ANO6: variants seen among roughly 807,000 people sequenced by gnomAD.
ANO6 encodes the protein anoctamin-6.
In ANO6, 106 loss-of-function variants were observed where a neutral mutation model predicts 117.5. That is an observed-to-expected ratio of 0.90 (90% CI 0.77 to 1.06). The LOEUF (loss-of-function observed/expected upper bound fraction) is 1.06. Among genes scored for constraint, ANO6 ranks in the 50% least tolerant of loss-of-function variants. ANO6 has a pLI of 0.00. For missense variants in ANO6, 955 were observed against 1,121.1 expected (o/e 0.85, Z 2.12); for synonymous variants, 367 against 385.1 (o/e 0.95, Z 0.55).
intron 1 of ANO6, among the ~76,000 whole-genome samples, chr12:45,237,842 C>T (rs927293577): frequency 3.1e-4 from 47 of 152,218 alleles, no homozygotes; most frequent in African/African-American, 8.2e-4. Context: ...AATATTGATT[C>T]TTCCTACCCA....
intron 3 of ANO6, among the ~76,000 whole-genome samples, chr12:45,340,637 T>C (rs758089799): frequency 6.6e-6 from 1 of 152,162 alleles, no homozygotes; most frequent in Non-Finnish European, 1.5e-5. Context: ...TACTTTAAAA[T>C]TGTGTGGCCT....
At chr12:45,229,861 A>G (rs188985796) in intron 1 of ANO6, among the ~76,000 whole-genome samples, 25 of 147,616 alleles carry the variant, frequency 1.7e-4, no homozygotes, top group African/African-American at 5.9e-4. Flanking sequence ...GATTAACACA[A>G]CTTCCCGCCC....
At chr12:45,327,616 A>G (rs1177616049) in intron 2 of ANO6, among the ~76,000 whole-genome samples, 2 of 152,176 alleles carry the variant, frequency 1.3e-5, no homozygotes, top group African/African-American at 4.8e-5. Flanking sequence ...AGTGTCTATA[A>G]TAGATGTTTA....
intron 8 of ANO6, among the ~76,000 whole-genome samples, chr12:45,362,341 C>A (rs1941577356): frequency 6.6e-6 from 1 of 151,880 alleles, no homozygotes; most frequent in Non-Finnish European, 1.5e-5. Context: ...AGTAATGTTT[C>A]CCTTTTCATT....
chr12:45,289,415 C>T (rs574668645), intron 1 of ANO6, among the ~76,000 whole-genome samples: 2 of 152,148 alleles, frequency 1.3e-5, no homozygotes, highest in South Asian at 4.2e-4. Flanking sequence ...CCCGCCTTGG[C>T]CTCCCAAAGT....
chr12:45,417,003 G>C, intron 17 of ANO6, 99 bp downstream of exon 17: 2 of 1,187,876 alleles, frequency 1.7e-6, no homozygotes, highest in Non-Finnish European at 2.5e-6. Flanking sequence ...ATGAGAGGAA[G>C]ATGCTAAGTC....
At chr12:45,237,407 G>T (rs1009948960) in intron 1 of ANO6, among the ~76,000 whole-genome samples, 2 of 152,180 alleles carry the variant, frequency 1.3e-5, no homozygotes, top group Non-Finnish European at 2.9e-5. Context: ...TGTATAAGGT[G>T]TAAGGAAGGG....
chr12:45,379,841 G>A (rs747582284), intron 10 of ANO6, among the ~76,000 whole-genome samples: 1 of 152,210 alleles, frequency 6.6e-6, no homozygotes, highest in Non-Finnish European at 1.5e-5. Flanking sequence ...AATGCAGAAA[G>A]TATTTCAGCA....
rs1461050941 is a variant in ANO6 at position 45,431,356 on chromosome 12, T to TATC, written c.*2046_*2048dup. ...TCTTCTCTTCTCTGAAGTGTGTGACTATCTCCTAGTGTTTAAATTTGGCAG... is the reference window on the plus strand; with the variant it reads ...TCTTCTCTTCTCTGAAGTGTGTGACTATCATCTCCTAGTGTTTAAATTTGGCAG... On this transcript the variant is annotated 3_prime_UTR_variant, in exon 20 of 20. Transcript: ENST00000320560. The TATC allele has an allele frequency of 2.0e-6, 2 of 985,450 alleles. No individual in the cohort carries two copies. The highest frequency in any genetic ancestry group is 2.4e-6 in the Non-Finnish European group (2 of 829,932). 61.0% of individuals were successfully genotyped at this position (985,450 alleles called of 1,614,324 possible).
intron 1 of ANO6, among the ~76,000 whole-genome samples, chr12:45,268,570 G>T (rs1321262188): frequency 6.6e-6 from 1 of 151,862 alleles, no homozygotes; most frequent in Non-Finnish European, 1.5e-5. Flanking sequence ...ACTTAACCAG[G>T]ATGAAAAAAA....
At chr12:45,317,517 A>G (rs373581420) in intron 2 of ANO6, among the ~76,000 whole-genome samples, 6 of 151,616 alleles carry the variant, frequency 4.0e-5, no homozygotes, top group Non-Finnish European at 5.9e-5. Flanking sequence ...AATCCAGTCT[A>G]TCATTGTTGG....
chr12:45,262,014 G>A (rs1000717929), intron 1 of ANO6, among the ~76,000 whole-genome samples: 3 of 152,114 alleles, frequency 2.0e-5, no homozygotes, highest in African/African-American at 7.2e-5. Flanking sequence ...TTTGATCCAC[G>A]TTTAACCTGC....
At chr12:45,270,776 C>T (rs1468291303) in intron 1 of ANO6, among the ~76,000 whole-genome samples, 1 of 151,760 alleles carries the variant, frequency 6.6e-6, no homozygotes, top group African/African-American at 2.4e-5. Flanking sequence ...TTTTTTGAGA[C>T]AGTCTCACTC....
chr12:45,276,183 C>T (rs1404336744), intron 1 of ANO6, among the ~76,000 whole-genome samples: 2 of 152,188 alleles, frequency 1.3e-5, no homozygotes, highest in Admixed American at 6.5e-5. Flanking sequence ...CTTCCTCTCC[C>T]CCCAGTACTT....
chr12:45,217,653 C>CT (rs772545508), intron 1 of ANO6, among the ~76,000 whole-genome samples: 30 of 152,200 alleles, frequency 2.0e-4, no homozygotes, highest in Non-Finnish European at 1.0e-4. Context: ...GTCTGCCCAG[C>CT]TTCTCACACT....
At chr12:45,252,871 A>G (rs951956869) in intron 1 of ANO6, among the ~76,000 whole-genome samples, 3 of 152,168 alleles carry the variant, frequency 2.0e-5, no homozygotes, top group African/African-American at 7.2e-5. Context: ...TGGTAAGGAT[A>G]TAATCTTATA....
chr12:45,418,527 C>G (rs1221672671), intron 17 of ANO6, among the ~76,000 whole-genome samples: 1 of 152,170 alleles, frequency 6.6e-6, no homozygotes. Flanking sequence ...GACTTGTGTG[C>G]TTTAAGAAAA....
chr12:45,410,840 T>C (rs761970350), intron 16 of ANO6, among the ~76,000 whole-genome samples: 16 of 152,248 alleles, frequency 1.1e-4, no homozygotes, highest in Non-Finnish European at 2.1e-4. Flanking sequence ...TGGAAACACA[T>C]CTGCTTCCTT....
rs530700071 is a variant in ANO6 at position 45,319,250 on chromosome 12, G to T, written c.151-12045G>T. Among the ~76,000 whole-genome samples the T allele has an allele frequency of 8.5e-5, 13 of 152,286 alleles. No homozygotes were observed. In the East Asian group the frequency reaches 2.3e-3, roughly 27 times the overall value. ...CCATTCAGTATGATATTGGCTGTGG[G>T]TTTGTCATAAATAGCTCTTATCATT... On this transcript the variant is annotated intron_variant, in intron 2 of 19. Coordinates refer to ENST00000320560, the MANE Select transcript of ANO6 (RefSeq NM_001025356.3).
Sources: allele counts gnomAD v4.1 joint callset (sites outside exome capture counted in the v4.1 genomes callset), GRCh38; gene constraint gnomAD v4.1.1; transcripts MANE v1.5; gene names NCBI Gene and HGNC (gene_info 2026-07-23, HGNC 2026-07-21).